FLT1: variants seen among roughly 807,000 people sequenced by gnomAD.
FLT1 encodes the protein fms related receptor tyrosine kinase 1.
In FLT1, 49 loss-of-function variants were observed where a neutral mutation model predicts 156.3. The observed-to-expected ratio is 0.31, with a 90% CI of 0.25 to 0.40. The LOEUF is 0.40. FLT1 is among the 10% of genes least tolerant of loss of function. FLT1 has a pLI of 1.00. For synonymous variants in FLT1, 594 were observed against 583.8 expected, an observed-to-expected ratio of 1.02 and a Z score of -0.25; for missense variants, 1,322 against 1,637.2, an observed-to-expected ratio of 0.81 and a Z score of 3.32.
Position 28,495,047 on chromosome 13 carries a change from C to A in FLT1, c.-204G>T, listed in dbSNP as rs1881694282. The A allele has an allele frequency of 4.2e-6, 2 of 473,904 alleles. No homozygotes were observed. Among genetic ancestry groups the A allele is most frequent in the Non-Finnish European group, 3.7e-6 (1 of 273,646 alleles). The allele number at this position is 473,904 out of a possible 1,614,324, so 29.4% of individuals were successfully genotyped here. ...GCCGCTGCACCCGAGCCCCGGAGCC[C>A]GCTCCGAGCCGCCGCCGCTGCCGGG... On this transcript the variant is annotated 5_prime_UTR_variant, in exon 1 of 30. Transcript: ENST00000282397. The surrounding 1 kb of genome is among the most constrained non-coding windows in gnomAD (Gnocchi z 4.1).
rs766274194 is a variant in FLT1 at position 28,306,677 on chromosome 13, C to T, written c.3815+1G>A. ...TCACAGAAAAGATACCCAATTCTTA[C>T]TCAATCTTGAGCGAGGCCTTGGGTT... On this transcript the variant is annotated splice_donor_variant, in intron 29 of 29. Coordinates refer to ENST00000282397, the MANE Select transcript of FLT1 (RefSeq NM_002019.4). LOFTEE classifies it high-confidence loss of function. 1.9e-6 allele frequency: 3 copies of T among 1,606,714 alleles called. No homozygotes were observed. The highest frequency in any genetic ancestry group is 3.3e-5 in the Admixed American group (2 of 60,004).
rs1877675753 is a variant in FLT1 at position 28,431,408 on chromosome 13, G to T, written c.814-98C>A. 1.5e-5 allele frequency: 13 copies of T among 863,818 alleles called. No individual in the cohort carries two copies. In the South Asian group the frequency reaches 1.8e-4, roughly 12 times the overall value. The allele number at this position is 863,818 out of a possible 1,614,324, so 53.5% of individuals were successfully genotyped here. A position where few individuals can be genotyped will look rare whatever the true frequency, so the allele number is the denominator to read the frequency against. On this transcript the variant is annotated intron_variant, in intron 6 of 29. Transcript: ENST00000282397. ...TTCTTAGATCATTAGTTCGACAACA[G>T]CTTCTGTTTTATACTAAGAATCATG...
intron 1 of FLT1, among the ~76,000 whole-genome samples, chr13:28,490,221 T>C (rs1225879496): frequency 6.6e-6 from 1 of 152,196 alleles, no homozygotes; most frequent in African/African-American, 2.4e-5. Context: ...CGTGTGTGTG[T>C]ATCTGTGAGA....
chr13:28,414,647 G>T (rs533432050), intron 10 of FLT1, among the ~76,000 whole-genome samples: 1 of 152,240 alleles, frequency 6.6e-6, no homozygotes, highest in South Asian at 2.1e-4. Context: ...GTATGGACAG[G>T]GACTATATTT....
intron 20 of FLT1, among the ~76,000 whole-genome samples, chr13:28,326,669 G>A (rs896639643): frequency 1.3e-5 from 2 of 151,904 alleles, no homozygotes; most frequent in South Asian, 4.1e-4. Flanking sequence ...GGGATTACAG[G>A]CGCGGGCCAC....
At chr13:28,430,517 A>T (rs370471242) in intron 7 of FLT1, among the ~76,000 whole-genome samples, 1 of 152,196 alleles carries the variant, frequency 6.6e-6, no homozygotes, top group Admixed American at 6.5e-5. Context: ...GTTGCTCTGT[A>T]CACCCTAAAA....
intron 14 of FLT1, among the ~76,000 whole-genome samples, chr13:28,367,343 C>T (rs562640969): frequency 2.6e-5 from 4 of 152,126 alleles, no homozygotes; most frequent in Non-Finnish European, 5.9e-5. Flanking sequence ...AAGTATCTGA[C>T]GATGAAACTC....
At chr13:28,475,493 G>C (rs1160787273) in intron 1 of FLT1, among the ~76,000 whole-genome samples, 2 of 152,084 alleles carry the variant, frequency 1.3e-5, no homozygotes, top group Non-Finnish European at 2.9e-5. Flanking sequence ...GTTGTTCGAG[G>C]TTAATTAAGC....
chr13:28,394,590 T>C (rs1018420810), intron 12 of FLT1, among the ~76,000 whole-genome samples: 3 of 152,170 alleles, frequency 2.0e-5, no homozygotes, highest in Non-Finnish European at 4.4e-5. Context: ...TTAGCTTTCA[T>C]TGGGAACAGT....
At chr13:28,470,641 A>G (rs1880115835) in intron 1 of FLT1, among the ~76,000 whole-genome samples, 1 of 152,158 alleles carries the variant, frequency 6.6e-6, no homozygotes, top group Admixed American at 6.5e-5. Context: ...GGAAACCGCT[A>G]ACTTCAAAGA....
At chr13:28,380,235 G>A (rs576655055) in intron 14 of FLT1, among the ~76,000 whole-genome samples, 6 of 152,280 alleles carry the variant, frequency 3.9e-5, no homozygotes, top group African/African-American at 7.2e-5. Flanking sequence ...AACAATTGGC[G>A]AATCAGGGAT....
rs145596147 is a variant in FLT1 at position 28,449,688 on chromosome 13, C to T, written c.389-11343G>A. On this transcript the variant is annotated intron_variant, in intron 3 of 29. Transcript: ENST00000282397. ...TCATTGTGTTTCAGACTCAAGATGC[C>T]ATTCTGAAATGAAACATTTAAAAAT... 3.1e-3 allele frequency among the ~76,000 whole-genome samples: 474 copies of T among 152,254 alleles called. 3 individuals carry two copies. Among genetic ancestry groups the T allele is most frequent in the Non-Finnish European group, 4.0e-3 (271 of 68,010 alleles).
At chr13:28,489,845 ATCT>A (rs1244376878) in intron 1 of FLT1, among the ~76,000 whole-genome samples, 2 of 152,196 alleles carry the variant, frequency 1.3e-5, no homozygotes, top group Non-Finnish European at 2.9e-5. Context: ...AGGAAAGTTA[ATCT>A]TCTCATCAAA....
chr13:28,429,125 C>A (rs1174265719), intron 8 of FLT1, among the ~76,000 whole-genome samples: 3 of 152,080 alleles, frequency 2.0e-5, no homozygotes, highest in South Asian at 2.1e-4. Context: ...TACTACTAAA[C>A]GTTTTTGATA....
chr13:28,369,902 T>G (rs192332448), intron 14 of FLT1, among the ~76,000 whole-genome samples: 69 of 151,984 alleles, frequency 4.5e-4, no homozygotes, highest in African/African-American at 1.6e-3. Context: ...GGGACAGTGA[T>G]GAAAAATGCC....
At position 28,302,036 on chromosome 13, in the gene FLT1, A is replaced by C. The variant is rs375516923; in HGVS notation, c.*1131T>G. 9.0e-5 allele frequency: 21 copies of C among 233,524 alleles called. No individual in the cohort carries two copies. The highest frequency in any genetic ancestry group is 4.4e-4 in the African/African-American group (20 of 45,468). The allele number at this position is 233,524 out of a possible 1,614,324, so 14.5% of individuals were successfully genotyped here. On this transcript the variant is annotated 3_prime_UTR_variant, in exon 30 of 30. Coordinates refer to ENST00000282397, the MANE Select transcript of FLT1 (RefSeq NM_002019.4). ...CTGACTTCCTGTGTTTTGGGTCCCA[A>C]CTGTGTTGGTGAATTGGTTTGGTTG...
chr13:28,485,956 C>G (rs150834592), intron 1 of FLT1, among the ~76,000 whole-genome samples: 10 of 152,196 alleles, frequency 6.6e-5, no homozygotes, highest in African/African-American at 2.4e-4. Context: ...CTGAGCCTAG[C>G]CCAAAGGTCT....
At position 28,327,569 on chromosome 13, in the gene FLT1, A is replaced by G; in HGVS notation, c.2708-19T>C. ...AGAGGCCCTGCAGCCAAAACAGCAC[A>G]TGCTCATGCTCAGCCACACCAAGCC... is the stretch of plus-strand genomic sequence containing the variant. On this transcript the variant is annotated intron_variant, in intron 19 of 29. Coordinates refer to ENST00000282397, the MANE Select transcript of FLT1 (RefSeq NM_002019.4). 1 of 1,536,770 alleles carries G rather than the reference A, an allele frequency of 6.5e-7. No homozygotes were observed. The highest frequency in any genetic ancestry group is 9.0e-7 in the Non-Finnish European group (1 of 1,109,636).
intron 10 of FLT1, among the ~76,000 whole-genome samples, chr13:28,419,706 C>T (rs915207656): frequency 6.6e-6 from 1 of 152,172 alleles, no homozygotes; most frequent in Non-Finnish European, 1.5e-5. Context: ...GGCGAAACCG[C>T]GTCTCTACTA....
Sources: gnomAD v4.1 joint callset for allele counts (sites outside exome capture counted in the v4.1 genomes callset) on GRCh38, gnomAD v4.1.1 for gene constraint, Gnocchi (gnomAD v3.1) non-coding constraint, MANE v1.5 for transcripts, NCBI Gene and HGNC (gene_info 2026-07-23, HGNC 2026-07-21) for gene names.